Variants in RYR2 observed in about 807,000 individuals in gnomAD.
The protein encoded by RYR2 is ryanodine receptor 2, also known as cardiac muscle ryanodine receptor-calcium release channel.
Under a neutral mutation model 601.1 loss-of-function variants are expected in RYR2, and 227 were observed. That is an observed-to-expected ratio of 0.38 (90% confidence interval 0.34 to 0.42). The LOEUF (loss-of-function observed/expected upper bound fraction) is 0.42. Ranked by LOEUF, RYR2 falls within the 10% of genes least tolerant of loss-of-function variation. The pLI, the probability that RYR2 is intolerant of heterozygous loss-of-function variation, is 1.00. For missense variants in RYR2, 4,646 were observed against 6,156.5 expected (o/e 0.75, Z 8.21); for synonymous variants, 2,223 against 2,175.1 (o/e 1.02, Z -0.61).
intron 25 of RYR2, among the ~76,000 whole-genome samples, chr1:237,543,063 A>T (rs191488272): frequency 3.2e-4 from 49 of 152,314 alleles, no homozygotes; most frequent in African/African-American, 1.1e-3. Flanking sequence ...TGGTATTCAA[A>T]AGCAGAGATT....
intron 1 of RYR2, among the ~76,000 whole-genome samples, chr1:237,261,029 A>G (rs1231708085): frequency 2.0e-5 from 3 of 152,376 alleles, no homozygotes; most frequent in African/African-American, 4.8e-5. Context: ...TGCTTTAACA[A>G]AAACAAAAAA....
intron 26 of RYR2, among the ~76,000 whole-genome samples, 191 bp downstream of exon 26, chr1:237,548,781 G>T (rs546464561): frequency 6.6e-6 from 1 of 152,138 alleles, no homozygotes; most frequent in South Asian, 2.1e-4. Context: ...GGCTGTGATC[G>T]TGAACACATG....
chr1:237,483,031 G>GT (rs1342058602), intron 17 of RYR2, among the ~76,000 whole-genome samples: 33 of 152,228 alleles, frequency 2.2e-4, no homozygotes, highest in Admixed American at 1.2e-3. Flanking sequence ...TGCCCTCCTT[G>GT]TTTCTCTGTG....
chr1:237,329,604 C>T (rs1476307839), intron 2 of RYR2, among the ~76,000 whole-genome samples: 3 of 150,632 alleles, frequency 2.0e-5, no homozygotes, highest in African/African-American at 7.3e-5. Flanking sequence ...ATCGCACCAT[C>T]GCACTCCACC....
chr1:237,669,134 C>G (rs1009329970), intron 58 of RYR2, among the ~76,000 whole-genome samples: 1 of 139,760 alleles, frequency 7.2e-6, no homozygotes, highest in Non-Finnish European at 1.6e-5. Flanking sequence ...TTGCACCGTC[C>G]TTAATCCATT....
chr1:237,678,205 T>C, intron 61 of RYR2, 93 bp downstream of exon 61: 3 of 694,054 alleles, frequency 4.3e-6, no homozygotes, highest in East Asian at 5.4e-5. Flanking sequence ...CATACTTGTC[T>C]ACAAATGTGT....
chr1:237,593,983 G>A (rs113802000), intron 33 of RYR2, among the ~76,000 whole-genome samples: 3,252 of 152,258 alleles, frequency 0.021, 99 homozygotes, highest in African/African-American at 0.066. Flanking sequence ...ACTTGATATA[G>A]ATTTCGGGAA....
At chr1:237,500,241 C>T (rs1664487502) in intron 20 of RYR2, among the ~76,000 whole-genome samples, 1 of 152,162 alleles carries the variant, frequency 6.6e-6, no homozygotes, top group African/African-American at 2.4e-5. Flanking sequence ...GCCTGAGACT[C>T]TGTTACTTGT....
chr1:237,411,417 A>G (rs1704439295), intron 10 of RYR2, among the ~76,000 whole-genome samples: 1 of 152,196 alleles, frequency 6.6e-6, no homozygotes, highest in African/African-American at 2.4e-5. Context: ...GCGATTTTAT[A>G]ATTTAGGGAC....
chr1:237,786,763 T>C (rs1657634659), intron 91 of RYR2, among the ~76,000 whole-genome samples: 1 of 152,220 alleles, frequency 6.6e-6, no homozygotes, highest in East Asian at 1.9e-4. Context: ...GAAAGGAAGC[T>C]TTTAGGTGCC....
At chr1:237,421,119 G>A (rs1705522187) in intron 11 of RYR2, among the ~76,000 whole-genome samples, 1 of 152,150 alleles carries the variant, frequency 6.6e-6, no homozygotes, top group African/African-American at 2.4e-5. Context: ...GGCGCCTATA[G>A]TCCTGGCTAC....
intron 8 of RYR2, among the ~76,000 whole-genome samples, chr1:237,379,793 T>G (rs1701302715): frequency 6.6e-6 from 1 of 152,122 alleles, no homozygotes; most frequent in African/African-American, 2.4e-5. Context: ...CTGTGCTACA[T>G]AGCCAATTAT....
intron 10 of RYR2, among the ~76,000 whole-genome samples, chr1:237,392,666 CAT>C (rs1473504950): frequency 2.0e-5 from 3 of 151,600 alleles, no homozygotes; most frequent in Non-Finnish European, 2.9e-5. Flanking sequence ...TTTATGTGCA[CAT>C]AGACTTATTT....
intron 2 of RYR2, among the ~76,000 whole-genome samples, chr1:237,322,132 A>G (rs1695684379): frequency 1.3e-5 from 2 of 152,202 alleles, no homozygotes; most frequent in African/African-American, 4.8e-5. Context: ...TGCCATTTCA[A>G]ATTAATTTAG....
At chr1:237,359,025 G>A (rs1699543598) in intron 4 of RYR2, among the ~76,000 whole-genome samples, 1 of 152,124 alleles carries the variant, frequency 6.6e-6, no homozygotes, top group Non-Finnish European at 1.5e-5. Context: ...TATGTTTTGG[G>A]ACGTGATAGT....
At chr1:237,384,151 T>C (rs985760439) in intron 8 of RYR2, among the ~76,000 whole-genome samples, 1 of 152,230 alleles carries the variant, frequency 6.6e-6, no homozygotes, top group Admixed American at 6.5e-5. Flanking sequence ...GAGAACTTTA[T>C]ATGACTGTAA....
intron 101 of RYR2, among the ~76,000 whole-genome samples, chr1:237,824,542 GC>G (rs1558491940): frequency 1.0e-4 from 13 of 127,152 alleles, no homozygotes; most frequent in African/African-American, 3.8e-4. Context: ...AATAATAAGA[GC>G]TATATATGAC....
At chr1:237,798,269 C>A in intron 97 of RYR2, 99 bp downstream of exon 97, 1 of 1,105,014 alleles carries the variant, frequency 9.0e-7, no homozygotes, top group Non-Finnish European at 1.3e-6. Flanking sequence ...CCTTCAATGT[C>A]AGAAGAATAG....
chr1:237,510,347 A>G (rs1665761285), intron 23 of RYR2, among the ~76,000 whole-genome samples: 1 of 152,208 alleles, frequency 6.6e-6, no homozygotes, highest in South Asian at 2.1e-4. Flanking sequence ...TTATTCTGGT[A>G]TAGAGAGTAG....
Sources: gnomAD v4.1 joint callset for allele counts (sites outside exome capture counted in the v4.1 genomes callset) on GRCh38, gnomAD v4.1.1 for gene constraint, MANE v1.5 for transcripts, NCBI Gene and HGNC (gene_info 2026-07-23, HGNC 2026-07-21) for gene names.